DOCK8: variants seen among roughly 807,000 people sequenced by gnomAD.
DOCK8 encodes the protein dedicator of cytokinesis 8, also known as dedicator of cytokinesis protein 8.
DOCK8 carries 141 observed loss-of-function variants against 245.6 expected under a neutral mutation model. The observed-to-expected ratio is 0.57, with a 90% confidence interval of 0.50 to 0.66. The LOEUF (loss-of-function observed/expected upper bound fraction) is 0.66. Ranked by LOEUF, DOCK8 falls within the 30% of genes least tolerant of loss-of-function variation. The probability of loss-of-function intolerance (pLI) is 0.00; values close to 1 mark genes in which losing one functional copy is unlikely to be tolerated. For synonymous variants in DOCK8, 1,168 were observed against 970.2 expected (o/e 1.20, Z -3.79); for missense variants, 2,965 against 2,603.4 (o/e 1.14, Z -3.02).
At chr9:323,622 T>C (rs1299607566) in intron 7 of DOCK8, among the ~76,000 whole-genome samples, 1 of 152,200 alleles carries the variant, frequency 6.6e-6, no homozygotes, top group Non-Finnish European at 1.5e-5. Flanking sequence ...AATTTTTCTC[T>C]TCCCAAACTG....
chr9:298,096 A>G (rs1367935875), intron 4 of DOCK8, among the ~76,000 whole-genome samples: 1 of 152,224 alleles, frequency 6.6e-6, no homozygotes, highest in African/African-American at 2.4e-5. Context: ...AATAAATTTG[A>G]TGGTCTCAAA....
At chr9:211,313 A>G (rs2046616730), upstream of DOCK8, among the ~76,000 whole-genome samples, 1 of 152,102 alleles carries the variant, frequency 6.6e-6, no homozygotes, top group Non-Finnish European at 1.5e-5. Context: ...GCTCCAACAG[A>G]AAGGTAAAGA....
intron 1 of DOCK8, among the ~76,000 whole-genome samples, chr9:246,325 C>T (rs1387580479): frequency 1.3e-5 from 2 of 152,080 alleles, no homozygotes; most frequent in African/African-American, 4.8e-5. Flanking sequence ...TTGAGACCAG[C>T]CTGGGCAACA....
Position 304,668 on chromosome 9 carries a change from G to C in DOCK8, c.492G>C (p.Glu164Asp), listed in dbSNP as rs772188486. 6 of 1,614,088 alleles carry C rather than the reference G, an allele frequency of 3.7e-6. No homozygotes were observed. Among genetic ancestry groups the C allele is most frequent in the South Asian group, 1.1e-5 (1 of 91,090 alleles). ...AGACGCTTCCGAAACAGACGTTTGA[G>C]TCGGAAACCTTGGAGTGCAGTGAAC... Reference protein sequence around the residue: ...FHKTLPKQTFESETLECSEPA... With the variant: ...FHKTLPKQTFDSETLECSEPA... Residue 164 changes from glutamate (E) to aspartate (D), a missense_variant, in exon 5 of 48, where the codon GAG (glutamate) becomes GAC (aspartate). Physicochemically the swap from Glu to Asp is conservative, Grantham distance 45. Transcript: ENST00000432829.
Position 434,764 on chromosome 9 carries a change from TC to T in DOCK8, c.4887-18del, listed in dbSNP as rs774759738. The T allele has an allele frequency of 6.2e-7, 1 of 1,613,480 alleles. No homozygotes were observed. Among genetic ancestry groups the T allele is most frequent in the South Asian group, 1.1e-5 (1 of 91,078 alleles). ...AACCCACTGTCCTCAAAACTACTTC[TC>T]ACTCAATCTGTCTTCAGAATTGCCA... On this transcript the variant is annotated intron_variant, in intron 38 of 47. Transcript: ENST00000432829.
rs577661839 is a variant in DOCK8, at chr9:328,282, A to T, written c.1044+111A>T. Reference sequence around the variant, plus strand: ...AGAATGTGTCCACATATCCTCTGAGATTCACTTTGTTTCCTTCTCAGTTTA... The same window carrying T: ...AGAATGTGTCCACATATCCTCTGAGTTTCACTTTGTTTCCTTCTCAGTTTA... On this transcript the variant is annotated intron_variant, in intron 9 of 47. Transcript: ENST00000432829. 4 of 1,364,300 alleles carry T rather than the reference A, an allele frequency of 2.9e-6. No individual in the cohort carries two copies. In the East Asian group the frequency reaches 1.0e-4, roughly 34 times the overall value. 84.5% of individuals were successfully genotyped at this position (1,364,300 alleles called of 1,614,324 possible). A position where few individuals can be genotyped will look rare whatever the true frequency, so the allele number is the denominator to read the frequency against.
intron 2 of DOCK8, among the ~76,000 whole-genome samples, chr9:274,485 C>CTT (rs2048268697): frequency 8.0e-6 from 1 of 125,454 alleles, no homozygotes; most frequent in South Asian, 2.9e-4. Flanking sequence ...TCTTTTCTTT[C>CTT]TTTTCTTTTT....
At chr9:254,966 A>G (rs1336082224) in intron 1 of DOCK8, among the ~76,000 whole-genome samples, 1 of 152,178 alleles carries the variant, frequency 6.6e-6, no homozygotes, top group Non-Finnish European at 1.5e-5. Context: ...TCTTTAGCAG[A>G]TTCTTATTTT....
chr9:256,918 G>T (rs941198290), intron 1 of DOCK8, among the ~76,000 whole-genome samples: 5 of 152,158 alleles, frequency 3.3e-5, no homozygotes, highest in African/African-American at 1.2e-4. Context: ...CTGGGCTTAT[G>T]TCTCATCTTT....
chr9:334,425 G>A (rs759158198), intron 11 of DOCK8, 41 bp downstream of exon 11: 14 of 1,604,044 alleles, frequency 8.7e-6, no homozygotes, highest in South Asian at 3.3e-5. Flanking sequence ...GGGCTCCCCA[G>A]TGTGCGCTGC....
intron 10 of DOCK8, among the ~76,000 whole-genome samples, chr9:333,418 G>A (rs1815359): frequency 0.11 from 16,114 of 152,078 alleles, 1,273 homozygotes; most frequent in East Asian, 0.38. Context: ...TGGCCAACAC[G>A]GTGAAACCCC....
chr9:374,531 A>C (rs571174464), intron 18 of DOCK8, among the ~76,000 whole-genome samples: 1 of 138,530 alleles, frequency 7.2e-6, no homozygotes, highest in Non-Finnish European at 1.5e-5. Context: ...GCGTGATCAC[A>C]GCTCACTGTA....
intron 43 of DOCK8, among the ~76,000 whole-genome samples, chr9:445,140 A>C (rs1376742732): frequency 6.6e-6 from 1 of 152,258 alleles, no homozygotes; most frequent in Non-Finnish European, 1.5e-5. Context: ...ACTAATCTTC[A>C]GACACACATG....
intron 1 of DOCK8, among the ~76,000 whole-genome samples, chr9:221,674 T>C (rs62531260): frequency 6.7e-6 from 1 of 149,204 alleles, no homozygotes; most frequent in Non-Finnish European, 1.5e-5. Flanking sequence ...AAAAAAAAAT[T>C]AGCCAGGTGT....
intron 19 of DOCK8, among the ~76,000 whole-genome samples, 184 bp downstream of exon 19, chr9:376,489 A>T (rs1341387277): frequency 6.6e-6 from 1 of 152,236 alleles, no homozygotes; most frequent in Non-Finnish European, 1.5e-5. Context: ...AAGACCTTAC[A>T]AAACCGCCGA....
intron 1 of DOCK8, among the ~76,000 whole-genome samples, chr9:251,664 C>G (rs649126): frequency 7.9e-5 from 12 of 152,044 alleles, no homozygotes; most frequent in Admixed American, 7.9e-4. Flanking sequence ...TTGTACAAGT[C>G]TCTTAACCTT....
intron 1 of DOCK8, among the ~76,000 whole-genome samples, chr9:237,782 C>T (rs2047289813): frequency 1.3e-5 from 2 of 151,858 alleles, no homozygotes; most frequent in Admixed American, 1.3e-4. Context: ...GTTTTTTTTT[C>T]TGAGAACAAC....
intron 41 of DOCK8, 53 bp from the exon 42 acceptor site, chr9:441,821 GT>G: frequency 1.4e-6 from 2 of 1,471,352 alleles, no homozygotes; most frequent in Non-Finnish European, 1.9e-6. Context: ...TTGCAACTCA[GT>G]GGCTCCTCAG....
At chr9:289,267 C>G (rs1179724229) in intron 3 of DOCK8, among the ~76,000 whole-genome samples, 4 of 152,128 alleles carry the variant, frequency 2.6e-5, no homozygotes, top group Non-Finnish European at 5.9e-5. Flanking sequence ...TATAATTTAA[C>G]ATGATTCTGT....
Sources: allele counts gnomAD v4.1 joint callset (sites outside exome capture counted in the v4.1 genomes callset), GRCh38; gene constraint gnomAD v4.1.1; transcripts MANE v1.5; gene names NCBI Gene and HGNC (gene_info 2026-07-23, HGNC 2026-07-21).